The following APBA2 variants were observed in gnomAD, a reference collection of about 807,000 sequenced individuals.
APBA2 encodes the protein amyloid-beta A4 precursor protein-binding family A member 2.
Under a neutral mutation model 75.0 loss-of-function variants are expected in APBA2, and 30 were observed. The ratio of observed to expected loss-of-function variants is 0.40; its 90% confidence interval spans 0.30 to 0.54. The LOEUF (loss-of-function observed/expected upper bound fraction) is 0.54. Ranked by LOEUF, APBA2 falls within the 20% of genes least tolerant of loss-of-function variation. The probability of loss-of-function intolerance (pLI) is 0.49; values close to 1 mark genes in which losing one functional copy is unlikely to be tolerated. For missense variants in APBA2, 801 were observed against 1,016.1 expected (o/e 0.79, Z 2.88); for synonymous variants, 444 against 409.6 (o/e 1.08, Z -1.01).
At chr15:29,079,879 G>A (rs1454320684) in intron 6 of APBA2, among the ~76,000 whole-genome samples, 2 of 152,230 alleles carry the variant, frequency 1.3e-5, no homozygotes, top group Non-Finnish European at 2.9e-5. Context: ...GTTGGGGCCT[G>A]GTGTCCACTC....
chr15:29,113,764 C>G lies in APBA2; in HGVS notation c.2038-112C>G, dbSNP rs751893546. On this transcript the variant is annotated intron_variant, in intron 13 of 14. Coordinates refer to ENST00000683413, the MANE Select transcript of APBA2 (RefSeq NM_001353788.2). ...TGTGAGTCAGCGAATTGCACGTGCA[C>G]GTATTCATCATGTGGCGCTTTTCCC... 4.4e-6 allele frequency: 6 copies of G among 1,378,068 alleles called. No individual in the cohort carries two copies. In the African/African-American group the frequency reaches 8.5e-5, roughly 19 times the overall value. The allele number at this position is 1,378,068 out of a possible 1,614,324, so 85.4% of individuals were successfully genotyped here. A position where few individuals can be genotyped will look rare whatever the true frequency, so the allele number is the denominator to read the frequency against.
At chr15:28,975,640 T>G (rs908640914) in intron 2 of APBA2, among the ~76,000 whole-genome samples, 23 of 152,262 alleles carry the variant, frequency 1.5e-4, no homozygotes, top group African/African-American at 5.3e-4. Context: ...AGAAATTTGG[T>G]TGCATTAGGA....
chr15:29,031,113 A>G (rs755334448), intron 3 of APBA2, among the ~76,000 whole-genome samples: 6 of 151,488 alleles, frequency 4.0e-5, no homozygotes, highest in Non-Finnish European at 8.8e-5. Flanking sequence ...ATCTTTTCCT[A>G]TACTTTTATT....
chr15:29,093,691 A>T (rs1313005925), intron 7 of APBA2, among the ~76,000 whole-genome samples: 5 of 152,156 alleles, frequency 3.3e-5, no homozygotes, highest in African/African-American at 1.2e-4. Context: ...CAAGGGGAAG[A>T]TGAGGCCACG....
At chr15:28,998,778 T>A (rs529150444) in intron 3 of APBA2, among the ~76,000 whole-genome samples, 1 of 152,288 alleles carries the variant, frequency 6.6e-6, no homozygotes, top group East Asian at 1.9e-4. Context: ...GACAGCTGGT[T>A]GGCCACATAG....
At chr15:28,971,881 A>G (rs1412416925) in intron 2 of APBA2, among the ~76,000 whole-genome samples, 1 of 152,204 alleles carries the variant, frequency 6.6e-6, no homozygotes, top group Non-Finnish European at 1.5e-5. Flanking sequence ...CCTAGCGTCC[A>G]TACAATATTA....
At position 29,025,435 on chromosome 15, in the gene APBA2, T is replaced by A. The variant is rs990187745; in HGVS notation, c.-40-28410T>A. On this transcript the variant is annotated intron_variant, in intron 3 of 14. Coordinates refer to ENST00000683413, the MANE Select transcript of APBA2 (RefSeq NM_001353788.2). Reference sequence around the variant, plus strand: ...CACGTGCCACCCTGCCCAGCTAATTTTTTTGTAATTTTTAGTAGAGACAGG... The same window carrying A: ...CACGTGCCACCCTGCCCAGCTAATTATTTTGTAATTTTTAGTAGAGACAGG... Among the ~76,000 whole-genome samples the A allele has an allele frequency of 3.3e-5, 5 of 151,802 alleles. No homozygotes were observed. In the East Asian group the frequency reaches 6.0e-4, roughly 18 times the overall value.
intron 4 of APBA2, among the ~76,000 whole-genome samples, chr15:29,059,906 C>T (rs993880737): frequency 5.9e-5 from 9 of 152,210 alleles, no homozygotes; most frequent in East Asian, 1.9e-4. Context: ...GTCCCACGTT[C>T]GCTATAGCGG....
intron 8 of APBA2, 100 bp from the exon 9 acceptor site, chr15:29,098,390 T>C (rs750704899): frequency 7.5e-6 from 6 of 804,114 alleles, no homozygotes; most frequent in Non-Finnish European, 1.3e-5. Context: ...TGGATTTATC[T>C]GGTGATTAGG....
intron 4 of APBA2, among the ~76,000 whole-genome samples, chr15:29,074,438 ATAGAGCTGCCCAAT>A (rs1437792151): frequency 6.6e-6 from 1 of 152,212 alleles, no homozygotes; most frequent in African/African-American, 2.4e-5. Flanking sequence ...CATGAGGGGC[ATAGAGCTGCCCAAT>A]TCACAGAAAC....
At chr15:28,994,964 A>G (rs1465308476) in intron 2 of APBA2, among the ~76,000 whole-genome samples, 2 of 152,220 alleles carry the variant, frequency 1.3e-5, no homozygotes, top group African/African-American at 2.4e-5. Context: ...AAAGGAACAC[A>G]GAAAGCCCTT....
At chr15:29,088,198 C>T (rs1402854691) in intron 6 of APBA2, among the ~76,000 whole-genome samples, 1 of 151,476 alleles carries the variant, frequency 6.6e-6, no homozygotes, top group Non-Finnish European at 1.5e-5. Flanking sequence ...ATGGGCAGGC[C>T]TCCCTTTCTA....
intron 3 of APBA2, among the ~76,000 whole-genome samples, chr15:29,015,938 G>A (rs902886134): frequency 6.6e-6 from 1 of 152,204 alleles, no homozygotes; most frequent in Non-Finnish European, 1.5e-5. Context: ...AACTGTGCGT[G>A]TATGTGCAGG....
At chr15:28,906,826 T>C (rs1449635967) in intron 1 of APBA2, among the ~76,000 whole-genome samples, 2 of 152,184 alleles carry the variant, frequency 1.3e-5, no homozygotes, top group Admixed American at 6.5e-5. Flanking sequence ...TTGCCTCTTT[T>C]CCTCTTGACT....
At chr15:29,075,973 TCA>T in intron 5 of APBA2, 80 bp from the exon 6 acceptor site, 2 of 1,306,010 alleles carry the variant, frequency 1.5e-6, no homozygotes, top group South Asian at 2.4e-5. Context: ...ATGGCTCATA[TCA>T]CAGCCCTGCT....
At chr15:28,959,348 A>AG (rs1386080340) in intron 2 of APBA2, among the ~76,000 whole-genome samples, 1 of 152,266 alleles carries the variant, frequency 6.6e-6, no homozygotes, top group East Asian at 1.9e-4. Flanking sequence ...CTTCACCCCC[A>AG]GGACCTCAGA....
At chr15:28,887,990 A>G (rs2031869917) in intron 1 of APBA2, among the ~76,000 whole-genome samples, 1 of 152,102 alleles carries the variant, frequency 6.6e-6, no homozygotes, top group Admixed American at 6.5e-5. Context: ...GTGTGTGAGC[A>G]GGAGAGTTGG....
Position 29,017,445 on chromosome 15 carries a change from C to T in APBA2, c.-41+21639C>T, listed in dbSNP as rs927401904. On this transcript the variant is annotated intron_variant, in intron 3 of 14. Transcript: ENST00000683413. ...AGATGGAATCTCTCTCTGTTGCCCA[C>T]TGCAACCTCCACCTCCTAGGTTCAA... 3.1e-5 allele frequency among the ~76,000 whole-genome samples: 4 copies of T among 130,928 alleles called. No homozygotes were observed. The Admixed American group carries it at 3.4e-4, about 11-fold the overall frequency. The allele number at this position is 130,928 out of a possible 152,430, so 85.9% of individuals were successfully genotyped here. A position where few individuals can be genotyped will look rare whatever the true frequency, so the allele number is the denominator to read the frequency against.
chr15:28,983,186 T>C (rs1440775956), intron 2 of APBA2, among the ~76,000 whole-genome samples: 1 of 152,162 alleles, frequency 6.6e-6, no homozygotes, highest in Non-Finnish European at 1.5e-5. Flanking sequence ...GTGTAAACAT[T>C]TCCCTCAACA....
Sources: allele counts gnomAD v4.1 joint callset (sites outside exome capture counted in the v4.1 genomes callset), GRCh38; gene constraint gnomAD v4.1.1; transcripts MANE v1.5; gene names NCBI Gene and HGNC (gene_info 2026-07-23, HGNC 2026-07-21).